The following NUTM2E variants were observed in gnomAD, a reference collection of about 807,000 sequenced individuals.
NUTM2E encodes NUT family member 2E, also known as family with sequence similarity 22, member E.
A neutral mutation model predicts 26.1 loss-of-function variants in NUTM2E; 3 were observed. That is an observed-to-expected ratio of 0.12 (90% CI 0.05 to 0.30). The LOEUF (loss-of-function observed/expected upper bound fraction) is 0.30, where lower values mean the gene tolerates loss of function less well. NUTM2E is among the 10% of genes least tolerant of loss of function. The probability of loss-of-function intolerance (pLI) is 1.00; values close to 1 mark genes in which losing one functional copy is unlikely to be tolerated. For missense variants in NUTM2E, 62 were observed against 381.3 expected (o/e 0.16, Z 6.97); for synonymous variants, 13 against 157.5 (o/e 0.08, Z 6.87).
In NUTM2E at chr10:79,829,208, G is replaced by A. The variant is rs559160876; in HGVS notation, c.-2728+1851G>A. Among the ~76,000 whole-genome samples, 63 of 151,624 alleles carry A rather than the reference G, an allele frequency of 4.2e-4. 1 individual carries two copies. Among genetic ancestry groups the A allele is most frequent in the Non-Finnish European group, 7.8e-4 (53 of 67,918 alleles). ...AGTCTAGGTCTTCGTTGTGGGACAG[G>A]GGTGATATACTACAGTTCCACAGGG... On this transcript the variant is annotated intron_variant, in intron 1 of 9. Transcript: ENST00000429984.
intron 1 of NUTM2E, among the ~76,000 whole-genome samples, chr10:79,828,522 A>G (rs1366700209): frequency 6.6e-6 from 1 of 151,794 alleles, no homozygotes; most frequent in East Asian, 1.9e-4. Flanking sequence ...AGTAGAAAAA[A>G]TTTTTGCCCT....
At chr10:79,839,522 A>C (rs1053567535) in intron 3 of NUTM2E, among the ~76,000 whole-genome samples, 106 bp from the exon 4 acceptor site, 14 of 151,712 alleles carry the variant, frequency 9.2e-5, no homozygotes, top group African/African-American at 3.4e-4. Flanking sequence ...ACAGTGCAGA[A>C]TTCCAGTTGG....
At chr10:79,830,317 A>G (rs2132412485) in intron 1 of NUTM2E, among the ~76,000 whole-genome samples, 1 of 151,872 alleles carries the variant, frequency 6.6e-6, no homozygotes, top group South Asian at 2.1e-4. Flanking sequence ...ATCCAATCAT[A>G]CATAACTGAA....
intron 1 of NUTM2E, among the ~76,000 whole-genome samples, chr10:79,834,667 TAAAAA>T (rs377301904): frequency 5.9e-5 from 8 of 135,272 alleles, no homozygotes; most frequent in Admixed American, 5.2e-4. Flanking sequence ...TGCTCCATCT[TAAAAA>T]AAAAAAAAAT....
chr10:79,835,268 A>C (rs983672816), intron 1 of NUTM2E, among the ~76,000 whole-genome samples: 2 of 150,702 alleles, frequency 1.3e-5, no homozygotes, highest in Non-Finnish European at 3.0e-5. Context: ...TGCTTAAATA[A>C]TCCGGACTCT....
Position 79,838,566 on chromosome 10 carries a change from C to T in NUTM2E, c.-2470C>T, listed in dbSNP as rs565698222. ...AGGTTCCCACTGCATTGTTACACCTCCCCCCTCACTTCAGGGCCAGGTGAG... is the reference window on the plus strand; with the variant it reads ...AGGTTCCCACTGCATTGTTACACCTTCCCCCTCACTTCAGGGCCAGGTGAG... On this transcript the variant is annotated 5_prime_UTR_variant, in exon 2 of 10. Coordinates refer to ENST00000429984, the MANE Select transcript of NUTM2E (RefSeq NM_001355263.2). 4.1e-3 allele frequency among the ~76,000 whole-genome samples: 603 copies of T among 148,746 alleles called. 1 individual carries two copies. Among genetic ancestry groups the T allele is most frequent in the Non-Finnish European group, 7.5e-4 (50 of 66,870 alleles).
intron 1 of NUTM2E, among the ~76,000 whole-genome samples, chr10:79,828,328 AC>A (rs1841902990): frequency 6.6e-6 from 1 of 151,912 alleles, no homozygotes; most frequent in South Asian, 2.1e-4. Flanking sequence ...ATCAGAATAT[AC>A]TTTGCTGAAG....
At chr10:79,833,511 C>G (rs567784153) in intron 1 of NUTM2E, among the ~76,000 whole-genome samples, 3 of 151,420 alleles carry the variant, frequency 2.0e-5, no homozygotes, top group African/African-American at 7.3e-5. Flanking sequence ...TAAACAAATT[C>G]ACAAGAGAAA....
At chr10:79,837,619 TAAAC>T (rs944383341) in intron 1 of NUTM2E, among the ~76,000 whole-genome samples, 6 of 152,070 alleles carry the variant, frequency 3.9e-5, no homozygotes, top group Admixed American at 1.3e-4. Context: ...TCAAAGAAAA[TAAAC>T]AACAACAAAC....
intron 1 of NUTM2E, among the ~76,000 whole-genome samples, chr10:79,833,426 A>G (rs1841939198): frequency 6.6e-6 from 1 of 150,914 alleles, no homozygotes; most frequent in Non-Finnish European, 1.5e-5. Context: ...TGAACAGGCA[A>G]CCTACAGAAC....
chr10:79,834,349 TAAAA>T (rs1243245798), intron 1 of NUTM2E, among the ~76,000 whole-genome samples: 3 of 151,852 alleles, frequency 2.0e-5, no homozygotes, highest in Non-Finnish European at 4.4e-5. Context: ...TTAAGTATCA[TAAAA>T]AGAAAGAAAT....
In NUTM2E at chr10:79,841,176, C is replaced by T. The variant is rs1278661778; in HGVS notation, c.-565C>T. ...AGAAACAATCAGATAACACCTGTTT[C>T]CTCCAGGAAAGAAAATGTGGCCAGG... On this transcript the variant is annotated 5_prime_UTR_variant, in exon 4 of 10. Coordinates refer to ENST00000429984, the MANE Select transcript of NUTM2E (RefSeq NM_001355263.2). Among the ~76,000 whole-genome samples the T allele has an allele frequency of 3.4e-5, 4 of 115,960 alleles. No homozygotes were observed. Among genetic ancestry groups the T allele is most frequent in the Non-Finnish European group, 7.4e-5 (4 of 54,014 alleles). 76.1% of individuals were successfully genotyped at this position (115,960 alleles called of 152,430 possible).
Position 79,848,490 on chromosome 10 carries a change from G to T in NUTM2E, c.1352-23G>T. On this transcript the variant is annotated intron_variant, in intron 7 of 9. Transcript: ENST00000429984. ...AGGAGGAGCGGCCCTCACCACGCCC[G>T]TCCTCCTCCCTCTCTGCCTCAGTGT... is the stretch of plus-strand genomic sequence containing the variant. 3 of 517,824 alleles carry T rather than the reference G, an allele frequency of 5.8e-6. 1 individual carries two copies. Among genetic ancestry groups the T allele is most frequent in the Non-Finnish European group, 8.6e-6 (3 of 347,410 alleles). 32.1% of individuals were successfully genotyped at this position (517,824 alleles called of 1,614,324 possible).
At chr10:79,837,223 G>T (rs1841969306) in intron 1 of NUTM2E, among the ~76,000 whole-genome samples, 2 of 151,850 alleles carry the variant, frequency 1.3e-5, no homozygotes, top group Admixed American at 6.6e-5. Flanking sequence ...AACATACTTT[G>T]TAGACTATGT....
intron 1 of NUTM2E, among the ~76,000 whole-genome samples, chr10:79,834,777 TTA>T (rs1183416539): frequency 1.3e-5 from 2 of 148,994 alleles, no homozygotes; most frequent in Admixed American, 6.7e-5. Flanking sequence ...GATTGAAACT[TTA>T]TGTTTTAGAT....
At position 79,836,673 on chromosome 10, in the gene NUTM2E, G is replaced by A. The variant is rs549989681; in HGVS notation, c.-2727-1636G>A. Among the ~76,000 whole-genome samples, 3 of 151,958 alleles carry A rather than the reference G, an allele frequency of 2.0e-5. No homozygotes were observed. The South Asian group carries it at 6.3e-4, about 32-fold the overall frequency. ...ATCCACTACCTCATAAACACTACAA[G>A]CTAGAGAATGTAGGGACTTGAATCC... On this transcript the variant is annotated intron_variant, in intron 1 of 9. Transcript: ENST00000429984.
At position 79,838,763 on chromosome 10, in the gene NUTM2E, C is replaced by G. The variant is rs555837637; in HGVS notation, c.-2449-17C>G. On this transcript the variant is annotated splice_polypyrimidine_tract_variant and intron_variant, in intron 2 of 9. Transcript: ENST00000429984. ...AGGAGGTGATTACCTTCTGATCACC[C>G]TTGGCTTTATTTTTAGGTAACACCA... Among the ~76,000 whole-genome samples the G allele has an allele frequency of 6.6e-6, 1 of 152,068 alleles. No homozygotes were observed. Among genetic ancestry groups the G allele is most frequent in the African/African-American group, 2.4e-5 (1 of 41,520 alleles).
In NUTM2E at chr10:79,827,709, A is replaced by G. The variant is rs533512792; in HGVS notation, c.-2728+352A>G. The G allele has an allele frequency of 6.6e-5, 10 of 151,480 alleles. No homozygotes were observed. The East Asian group carries it at 1.9e-3, about 29-fold the overall frequency. 9.4% of individuals were successfully genotyped at this position (151,480 alleles called of 1,614,324 possible). ...GAACTAACAAATTCATGAAAAAGTG[A>G]CATTATTGCTGGTCTATTTTTTTTT... is the stretch of plus-strand genomic sequence containing the variant. On this transcript the variant is annotated intron_variant, in intron 1 of 9. Coordinates refer to ENST00000429984, the MANE Select transcript of NUTM2E (RefSeq NM_001355263.2).
In NUTM2E at chr10:79,840,705, A is replaced by C. The variant is rs1156591912; in HGVS notation, c.-1036A>C. On this transcript the variant is annotated 5_prime_UTR_variant, in exon 4 of 10. Transcript: ENST00000429984. ...GAGTCCAAGTGTCTTCGAAAGGGCA[A>C]ATGCTTCGTAAGTGCCGACAGGGTG... Among the ~76,000 whole-genome samples, 4 of 151,124 alleles carry C rather than the reference A, an allele frequency of 2.6e-5. No individual in the cohort carries two copies. The highest frequency in any genetic ancestry group is 9.8e-5 in the African/African-American group (4 of 40,962).
Sources: gnomAD v4.1 joint callset for allele counts (sites outside exome capture counted in the v4.1 genomes callset) on GRCh38, gnomAD v4.1.1 for gene constraint, MANE v1.5 for transcripts, NCBI Gene and HGNC (gene_info 2026-07-23, HGNC 2026-07-21) for gene names.